Variants in OPRM1 observed in about 807,000 individuals in gnomAD.
The protein encoded by OPRM1 is opioid receptor mu 1.
In OPRM1, 27 loss-of-function variants were observed where a neutral mutation model predicts 31.8. The observed-to-expected ratio is 0.85, with a 90% CI of 0.63 to 1.17. OPRM1 has a LOEUF of 1.17. OPRM1 is among the 50% of genes most tolerant of loss of function. The pLI, the probability that OPRM1 is intolerant of heterozygous loss-of-function variation, is 0.00. For missense variants in OPRM1, 536 were observed against 511.1 expected (o/e 1.05, Z -0.47); for synonymous variants, 196 against 189.9 (o/e 1.03, Z -0.26).
At chr6:154,150,954 C>T (rs57353668) in intron 3 of OPRM1, among the ~76,000 whole-genome samples, 218 of 152,332 alleles carry the variant, frequency 1.4e-3, no homozygotes, top group African/African-American at 4.3e-3. Flanking sequence ...CTCTTCGATG[C>T]GTCAATGGCA....
chr6:154,078,969 T>C (rs1390886388), intron 1 of OPRM1, among the ~76,000 whole-genome samples: 2 of 152,210 alleles, frequency 1.3e-5, no homozygotes, highest in African/African-American at 4.8e-5. Context: ...GTGAAAATGT[T>C]GATGTTCCTG....
At chr6:154,095,078 G>A (rs978764268) in intron 3 of OPRM1, among the ~76,000 whole-genome samples, 1 of 152,168 alleles carries the variant, frequency 6.6e-6, no homozygotes, top group Non-Finnish European at 1.5e-5. Flanking sequence ...GATCACCTGG[G>A]GTCAGGAGTT....
At chr6:154,201,366 GTC>G (rs1404741976) in intron 3 of OPRM1, among the ~76,000 whole-genome samples, 1 of 152,024 alleles carries the variant, frequency 6.6e-6, no homozygotes, top group African/African-American at 2.4e-5. Flanking sequence ...TTGTCTCTTT[GTC>G]TCTTTGTCTC....
intron 3 of OPRM1, among the ~76,000 whole-genome samples, chr6:154,229,345 G>C (rs897239917): frequency 2.2e-5 from 3 of 135,076 alleles, no homozygotes; most frequent in Non-Finnish European, 3.1e-5. Flanking sequence ...AAAGTTTGCC[G>C]GTTTTTTTTT....
intron 3 of OPRM1, among the ~76,000 whole-genome samples, chr6:154,220,439 T>C (rs1778771962): frequency 6.6e-6 from 1 of 152,090 alleles, no homozygotes; most frequent in Non-Finnish European, 1.5e-5. Flanking sequence ...GGTGGATCAC[T>C]TGAGGTCAGG....
intron 3 of OPRM1, among the ~76,000 whole-genome samples, chr6:154,226,074 T>C (rs1779227851): frequency 6.6e-6 from 1 of 152,126 alleles, no homozygotes; most frequent in Non-Finnish European, 1.5e-5. Flanking sequence ...CTTTCAGGGG[T>C]CTTGTTCTCC....
intron 3 of OPRM1, among the ~76,000 whole-genome samples, chr6:154,202,837 A>T (rs1423911513): frequency 6.6e-6 from 1 of 151,236 alleles, no homozygotes; most frequent in African/African-American, 2.4e-5. Flanking sequence ...TTTCATTTTT[A>T]AATGGAGAAA....
chr6:154,136,580 C>CTAA (rs1223153687), downstream of OPRM1, among the ~76,000 whole-genome samples: 1 of 152,172 alleles, frequency 6.6e-6, no homozygotes, highest in African/African-American at 2.4e-5. Flanking sequence ...CATGTTCCAC[C>CTAA]TAATCCCTCA....
chr6:154,154,914 C>G lies in OPRM1; in HGVS notation c.1164+63442C>G, dbSNP rs932649737. On this transcript the variant is annotated intron_variant, in intron 3 of 3. Transcript: ENST00000337049. ...GCAGTGCTAAAAGTCACATTCCCAT[C>G]ATGCAAGCACATTAAAATATATGGC... 10 of 152,498 alleles carry G rather than the reference C, an allele frequency of 6.6e-5. No homozygotes were observed. The East Asian group carries it at 1.7e-3, about 27-fold the overall frequency. 9.4% of individuals were successfully genotyped at this position (152,498 alleles called of 1,614,324 possible).
rs781367994 is a variant in OPRM1, at chr6:154,039,481, A to C, written c.-64A>C. 2.6e-6 allele frequency: 4 copies of C among 1,559,682 alleles called. No homozygotes were observed. Among genetic ancestry groups the C allele is most frequent in the Non-Finnish European group, 3.5e-6 (4 of 1,151,646 alleles). On this transcript the variant is annotated 5_prime_UTR_variant, in exon 1 of 4. Transcript: ENST00000330432. Reference sequence around the variant, plus strand: ...GAAAGGAAGCGGCTGAGGCGCTTGGAACCCGAAAAGTCTCGGTGCTCCTGG... The same window carrying C: ...GAAAGGAAGCGGCTGAGGCGCTTGGCACCCGAAAAGTCTCGGTGCTCCTGG...
intron 3 of OPRM1, chr6:154,094,239 G>A (rs931986669): frequency 7.4e-5 from 95 of 1,286,744 alleles, no homozygotes; most frequent in Non-Finnish European, 9.5e-5. Flanking sequence ...ACCTTCCCAG[G>A]GTGTCTGTAT....
At chr6:154,046,519 CTTGTGA>C (rs1419265934) in intron 1 of OPRM1, among the ~76,000 whole-genome samples, 1 of 152,176 alleles carries the variant, frequency 6.6e-6, no homozygotes, top group African/African-American at 2.4e-5. Context: ...TTAAGAGTAT[CTTGTGA>C]TTAATTGAGC....
At chr6:154,159,939 G>C (rs764017859) in intron 3 of OPRM1, 2 of 1,613,434 alleles carry the variant, frequency 1.2e-6, no homozygotes, top group South Asian at 1.1e-5. Flanking sequence ...AGATGTCCTG[G>C]ATCAGCAGGG....
At chr6:154,151,019 G>T (rs1798485620) in intron 3 of OPRM1, among the ~76,000 whole-genome samples, 1 of 152,180 alleles carries the variant, frequency 6.6e-6, no homozygotes, top group South Asian at 2.1e-4. Flanking sequence ...TGCCCCAGCT[G>T]GTCCACCCTC....
intron 1 of OPRM1, among the ~76,000 whole-genome samples, chr6:154,033,534 G>A (rs894784930): frequency 2.0e-5 from 3 of 152,160 alleles, no homozygotes; most frequent in Non-Finnish European, 4.4e-5. Flanking sequence ...TTCAGGGAGG[G>A]GAGGATGAGA....
intron 3 of OPRM1, among the ~76,000 whole-genome samples, chr6:154,138,213 G>A (rs1286712151): frequency 1.3e-5 from 2 of 151,498 alleles, no homozygotes; most frequent in African/African-American, 2.4e-5. Flanking sequence ...TTGACGTGAG[G>A]ATTAAATTAG....
intron 3 of OPRM1, among the ~76,000 whole-genome samples, chr6:154,164,172 TTAAA>T (rs1229912286): frequency 2.0e-5 from 3 of 152,302 alleles, no homozygotes; most frequent in South Asian, 4.1e-4. Flanking sequence ...TATTAAAAAA[TTAAA>T]TAAGATCTTT....
chr6:154,173,245 A>T (rs1207328167), intron 3 of OPRM1, among the ~76,000 whole-genome samples: 1 of 152,164 alleles, frequency 6.6e-6, no homozygotes, highest in Non-Finnish European at 1.5e-5. Flanking sequence ...AATTCCAAAA[A>T]CCAGAACACC....
In OPRM1 at chr6:154,131,809, G is replaced by A. The variant is rs1797909138; in HGVS notation, c.*13088G>A. Reference sequence around the variant, plus strand: ...TCTGCTTTTCAAAAATATTTGCCTGGAAACCTGTATTTCGCCTATAGAGAC... The same window carrying A: ...TCTGCTTTTCAAAAATATTTGCCTGAAAACCTGTATTTCGCCTATAGAGAC... On this transcript the variant is annotated 3_prime_UTR_variant, in exon 4 of 4. Transcript: ENST00000330432. Among the ~76,000 whole-genome samples the A allele has an allele frequency of 6.6e-6, 1 of 151,758 alleles. No individual in the cohort carries two copies. The highest frequency in any genetic ancestry group is 2.4e-5 in the African/African-American group (1 of 41,320).
Sources: allele counts gnomAD v4.1 joint callset (sites outside exome capture counted in the v4.1 genomes callset), GRCh38; gene constraint gnomAD v4.1.1; transcripts MANE v1.5; gene names NCBI Gene and HGNC (gene_info 2026-07-23, HGNC 2026-07-21).